SH3RF1: variants seen among roughly 807,000 people sequenced by gnomAD.
SH3RF1 encodes the protein E3 ubiquitin-protein ligase SH3RF1.
SH3RF1 carries 32 observed loss-of-function variants against 74.0 expected under a neutral mutation model. The ratio of observed to expected loss-of-function variants is 0.43; its 90% CI spans 0.33 to 0.58. The LOEUF is 0.58. Among genes scored for constraint, SH3RF1 ranks in the 20% least tolerant of loss-of-function variants. The pLI is 0.05. For missense variants in SH3RF1, 954 were observed against 1,130.9 expected, an observed-to-expected ratio of 0.84 and a Z score of 2.24; for synonymous variants, 396 against 439.6, an observed-to-expected ratio of 0.90 and a Z score of 1.24.
intron 5 of SH3RF1, among the ~76,000 whole-genome samples, chr4:169,130,738 G>C (rs1215368488): frequency 6.6e-6 from 1 of 152,160 alleles, no homozygotes; most frequent in Non-Finnish European, 1.5e-5. Flanking sequence ...AGCCAAATTA[G>C]TTGTTTTCAA....
At chr4:169,220,026 A>T (rs546983194) in intron 2 of SH3RF1, 2 of 152,360 alleles carry the variant, frequency 1.3e-5, no homozygotes, top group East Asian at 3.8e-4. Flanking sequence ...AAAAAAGAAA[A>T]GAGAAAGCAG....
At chr4:169,237,160 C>T (rs1013086282) in intron 2 of SH3RF1, among the ~76,000 whole-genome samples, 1 of 152,272 alleles carries the variant, frequency 6.6e-6, no homozygotes, top group East Asian at 1.9e-4. Flanking sequence ...CAACACCTGA[C>T]GTCTAGTAAG....
rs74945346 is a variant in SH3RF1 at position 169,112,352 on chromosome 4, G to A, written c.2139+3917C>T. 7.3e-3 allele frequency among the ~76,000 whole-genome samples: 1,108 copies of A among 152,270 alleles called. 17 individuals are homozygous for A. Among genetic ancestry groups the A allele is most frequent in the African/African-American group, 0.026 (1,061 of 41,550 alleles). On this transcript the variant is annotated intron_variant, in intron 10 of 11. Transcript: ENST00000284637. ...ACTAGAGGGAGGGCAGAAACCAGAC[G>A]GGTGGAGATGCTCTGCTGATGAAGC...
intron 11 of SH3RF1, among the ~76,000 whole-genome samples, chr4:169,101,024 A>G (rs769498985): frequency 3.3e-5 from 5 of 152,152 alleles, no homozygotes; most frequent in Non-Finnish European, 7.4e-5. Flanking sequence ...TTCATGCTTG[A>G]CTAAATCGCA....
intron 2 of SH3RF1, among the ~76,000 whole-genome samples, chr4:169,205,504 T>C (rs533713754): frequency 1.1e-4 from 17 of 152,318 alleles, no homozygotes; most frequent in African/African-American, 3.8e-4. Context: ...TGCAGGCCAA[T>C]TTCCAGGCAT....
chr4:169,106,460 AT>A lies in SH3RF1; in HGVS notation c.2498+386del, dbSNP rs536452442. 5.8e-3 allele frequency among the ~76,000 whole-genome samples: 873 copies of A among 151,216 alleles called. 9 individuals carry two copies. Among genetic ancestry groups the A allele is most frequent in the African/African-American group, 0.02 (806 of 41,018 alleles). ...GTTGCTTCACAACTAGCAGGAAACG[AT>A]GTAAATTTTTAATAAAAAAGGCAAA... On this transcript the variant is annotated intron_variant, in intron 11 of 11. Transcript: ENST00000284637.
chr4:169,132,156 C>T (rs1206056661), intron 5 of SH3RF1, among the ~76,000 whole-genome samples: 1 of 152,228 alleles, frequency 6.6e-6, no homozygotes, highest in Non-Finnish European at 1.5e-5. Context: ...TGGACACCCT[C>T]CACTGGTAAC....
intron 2 of SH3RF1, among the ~76,000 whole-genome samples, chr4:169,236,819 T>G (rs2127010455): frequency 6.6e-6 from 1 of 152,308 alleles, no homozygotes; most frequent in South Asian, 2.1e-4. Context: ...ATGCTACATA[T>G]GTAGGCTCAA....
At chr4:169,158,284 T>C (rs909319436) in intron 2 of SH3RF1, among the ~76,000 whole-genome samples, 1 of 152,070 alleles carries the variant, frequency 6.6e-6, no homozygotes, top group East Asian at 1.9e-4. Context: ...CAGGAATTAG[T>C]TGTCAAGGTT....
chr4:169,144,449 T>C (rs144541976), intron 4 of SH3RF1, among the ~76,000 whole-genome samples: 24 of 152,300 alleles, frequency 1.6e-4, no homozygotes, highest in African/African-American at 5.5e-4. Flanking sequence ...TCAAACCTAA[T>C]GGAGCCTTTT....
At chr4:169,212,052 CTTTT>C (rs1286128761) in intron 2 of SH3RF1, among the ~76,000 whole-genome samples, 2 of 106,498 alleles carry the variant, frequency 1.9e-5, no homozygotes, top group Non-Finnish European at 3.8e-5. Flanking sequence ...TTTTTCTTTT[CTTTT>C]CTTTTTTTTT....
intron 4 of SH3RF1, among the ~76,000 whole-genome samples, chr4:169,146,156 A>T (rs1267081767): frequency 7.2e-6 from 1 of 139,794 alleles, no homozygotes; most frequent in South Asian, 2.2e-4. Flanking sequence ...TTCTATATAA[A>T]ATATTATATA....
chr4:169,222,243 C>T (rs988713252), intron 2 of SH3RF1, among the ~76,000 whole-genome samples: 12 of 152,230 alleles, frequency 7.9e-5, no homozygotes, highest in Admixed American at 3.3e-4. Context: ...GCAGGTAGAT[C>T]ACTTGAGATC....
intron 2 of SH3RF1, among the ~76,000 whole-genome samples, chr4:169,168,717 CT>C (rs1477580232): frequency 1.6e-4 from 24 of 152,218 alleles, no homozygotes; most frequent in African/African-American, 5.5e-4. Context: ...AATGAACAGT[CT>C]CACGTTTGGT....
At chr4:169,190,252 CA>C (rs1342952289) in intron 2 of SH3RF1, among the ~76,000 whole-genome samples, 1 of 151,746 alleles carries the variant, frequency 6.6e-6, no homozygotes, top group African/African-American at 2.4e-5. Context: ...TTGAAACAAA[CA>C]AAAAATACAA....
At chr4:169,135,390 C>A (rs1579100058) in intron 5 of SH3RF1, among the ~76,000 whole-genome samples, 2 of 151,836 alleles carry the variant, frequency 1.3e-5, no homozygotes, top group African/African-American at 4.8e-5. Flanking sequence ...TATGGTGGAG[C>A]AGAATGTAAA....
chr4:169,167,321 A>G (rs1403991698), intron 2 of SH3RF1, among the ~76,000 whole-genome samples: 1 of 152,198 alleles, frequency 6.6e-6, no homozygotes. Context: ...ACAACAGAAA[A>G]TTTTCTAAAA....
intron 2 of SH3RF1, among the ~76,000 whole-genome samples, chr4:169,211,290 G>A (rs1424959876): frequency 6.6e-6 from 1 of 152,002 alleles, no homozygotes; most frequent in Non-Finnish European, 1.5e-5. Flanking sequence ...AGACCATCCT[G>A]GCTAACACAG....
At chr4:169,125,954 A>G (rs1247836208) in intron 6 of SH3RF1, among the ~76,000 whole-genome samples, 2 of 152,246 alleles carry the variant, frequency 1.3e-5, no homozygotes, top group South Asian at 2.1e-4. Context: ...TTTGATCTAC[A>G]AGAAACAAGA....
Sources: allele counts gnomAD v4.1 joint callset (sites outside exome capture counted in the v4.1 genomes callset), GRCh38; gene constraint gnomAD v4.1.1; transcripts MANE v1.5; gene names NCBI Gene and HGNC (gene_info 2026-07-23, HGNC 2026-07-21).